MCUR1: variants seen among roughly 807,000 people sequenced by gnomAD.
MCUR1 encodes mitochondrial calcium uniporter regulator 1, also known as MCU regulator 1.
In MCUR1, 37 loss-of-function variants were observed where a neutral mutation model predicts 42.0. That is an observed-to-expected ratio of 0.88 (90% confidence interval 0.68 to 1.16). The LOEUF (loss-of-function observed/expected upper bound fraction) is 1.16. Ranked by LOEUF, MCUR1 falls within the 50% of genes most tolerant of loss-of-function variation. The probability of loss-of-function intolerance (pLI) is 0.00; values close to 1 mark genes in which losing one functional copy is unlikely to be tolerated. For synonymous variants in MCUR1, 229 were observed against 196.2 expected (o/e 1.17, Z -1.40); for missense variants, 469 against 468.4 (o/e 1.00, Z -0.01).
intron 2 of MCUR1, among the ~76,000 whole-genome samples, chr6:13,806,106 T>C (rs1437986416): frequency 1.3e-5 from 2 of 151,624 alleles, no homozygotes; most frequent in African/African-American, 4.9e-5. Flanking sequence ...ACACAAAAAT[T>C]AGCTGGGCGT....
chr6:13,787,064 T>C lies in MCUR1; in HGVS notation c.*3745A>G, dbSNP rs1458460656. ...ACCATCTCTATATTTGTTTAGAATT[T>C]TGCAAAATTCTTAGAAGATTGCATG... On this transcript the variant is annotated 3_prime_UTR_variant, in exon 9 of 9. Transcript: ENST00000379170. 6.6e-6 allele frequency: 1 copy of C among 152,210 alleles called. No homozygotes were observed. The highest frequency in any genetic ancestry group is 1.9e-4 in the East Asian group (1 of 5,198). 9.4% of individuals were successfully genotyped at this position (152,210 alleles called of 1,614,324 possible).
chr6:13,814,130 G>C lies in MCUR1; in HGVS notation c.300C>G (p.Ala100=). Residue 100 remains alanine (A), a synonymous_variant, in exon 1 of 9, where the codon GCC becomes GCG. Coordinates refer to ENST00000379170, the MANE Select transcript of MCUR1 (RefSeq NM_001031713.4). ...CGCTGCTGCGCCCGGCCGGGGGTGC[G>C]GCATACCCGAGGCGCGAGCGCTCCC... is the stretch of plus-strand genomic sequence containing the variant. ...GDWERSRLGY[A]APPAGRSSAW... 1 of 1,282,640 alleles carries C rather than the reference G, an allele frequency of 7.8e-7. No homozygotes were observed. The allele number at this position is 1,282,640 out of a possible 1,614,324, so 79.5% of individuals were successfully genotyped here.
intron 5 of MCUR1, 87 bp from the exon 6 acceptor site, chr6:13,798,991 C>T (rs1052003095): frequency 2.3e-5 from 18 of 795,216 alleles, no homozygotes; most frequent in Non-Finnish European, 3.5e-5. Context: ...ACCACTGCCC[C>T]CACTGTCCCT....
rs752215893 is a variant in MCUR1, at chr6:13,790,835, G to A, written c.1054C>T (p.Leu352=). The change falls in exon 9 of 9, where the codon CTG becomes TTG. Residue 352 remains leucine (L), a synonymous_variant. Coordinates refer to ENST00000379170, the MANE Select transcript of MCUR1 (RefSeq NM_001031713.4). ...TAGATCCACAGGCGATAAAATCCCA[G>A]AGCTACTGTTAGGCACGTAAATATA... ...GSIFTCLTVA[L]GFYRLWI 25 of 1,611,896 alleles carry A rather than the reference G, an allele frequency of 1.6e-5. No individual in the cohort carries two copies. The highest frequency in any genetic ancestry group is 3.3e-4 in the Middle Eastern group (2 of 6,074).
chr6:13,794,633 G>A (rs1330667603), intron 6 of MCUR1, among the ~76,000 whole-genome samples: 2 of 103,458 alleles, frequency 1.9e-5, no homozygotes, highest in East Asian at 6.1e-4. Flanking sequence ...CTCATCACAT[G>A]TTGGGTTTTT....
chr6:13,794,672 G>A (rs1033828509), intron 6 of MCUR1, among the ~76,000 whole-genome samples: 5 of 146,654 alleles, frequency 3.4e-5, no homozygotes, highest in Non-Finnish European at 7.4e-5. Context: ...TTTGTTTTGA[G>A]ATGGAGTCTC....
chr6:13,799,696 C>T (rs1310528309), intron 5 of MCUR1, among the ~76,000 whole-genome samples: 1 of 151,984 alleles, frequency 6.6e-6, no homozygotes, highest in Admixed American at 6.6e-5. Flanking sequence ...AAATAGCTGG[C>T]ACAGTAAGCA....
intron 6 of MCUR1, among the ~76,000 whole-genome samples, chr6:13,794,703 T>A (rs545688991): frequency 6.7e-6 from 1 of 150,070 alleles, no homozygotes; most frequent in Non-Finnish European, 1.5e-5. Flanking sequence ...CAGGCTGGAG[T>A]GCAGTGGCTT....
chr6:13,814,157 G>C lies in MCUR1; in HGVS notation c.273C>G (p.Asp91Glu). ...CATACCCGAGGCGCGAGCGCTCCCA[G>C]TCCCCGAGCTGCCGGCGCGGGGCTG... is the stretch of plus-strand genomic sequence containing the variant. The part of the protein sequence containing the change: ...AAAAPRRQLG[D>E]WERSRLGYAA... The change falls in exon 1 of 9, where the codon GAC becomes GAG. Residue 91 changes from aspartate (D) to glutamate (E), a missense_variant. Coordinates refer to ENST00000379170, the MANE Select transcript of MCUR1 (RefSeq NM_001031713.4). 1 of 1,330,140 alleles carries C rather than the reference G, an allele frequency of 7.5e-7. No homozygotes were observed. Among genetic ancestry groups the C allele is most frequent in the Non-Finnish European group, 9.5e-7 (1 of 1,047,612 alleles). 82.4% of individuals were successfully genotyped at this position (1,330,140 alleles called of 1,614,324 possible). A position where few individuals can be genotyped will look rare whatever the true frequency, so the allele number is the denominator to read the frequency against.
chr6:13,812,389 T>C (rs558479907), intron 1 of MCUR1, among the ~76,000 whole-genome samples: 2 of 152,320 alleles, frequency 1.3e-5, no homozygotes, highest in South Asian at 4.1e-4. Context: ...TTATGATGAC[T>C]GAAGAATGAG....
chr6:13,813,970 A>C, intron 1 of MCUR1, 45 bp downstream of exon 1: 20 of 1,225,930 alleles, frequency 1.6e-5, no homozygotes, highest in Non-Finnish European at 1.9e-5. Flanking sequence ...CCCGCCGTCC[A>C]ACCCCGCGAG....
chr6:13,789,202 A>AC lies in MCUR1; in HGVS notation c.*1606dup, dbSNP rs1219239976. The AC allele has an allele frequency of 6.6e-6, 1 of 152,284 alleles. No homozygotes were observed. Among genetic ancestry groups the AC allele is most frequent in the Non-Finnish European group, 1.5e-5 (1 of 68,104 alleles). The allele number at this position is 152,284 out of a possible 1,614,324, so 9.4% of individuals were successfully genotyped here. ...TGAATCACGAGGTCAGGAGTTAGAG[A>AC]CCAGCCTGGCCAACATGGTGAAACC... On this transcript the variant is annotated 3_prime_UTR_variant, in exon 9 of 9. Transcript: ENST00000379170.
chr6:13,787,512 A>G lies in MCUR1; in HGVS notation c.*3297T>C, dbSNP rs536719891. 1 of 152,230 alleles carries G rather than the reference A, an allele frequency of 6.6e-6. No homozygotes were observed. Among genetic ancestry groups the G allele is most frequent in the Non-Finnish European group, 1.5e-5 (1 of 68,040 alleles). The allele number at this position is 152,230 out of a possible 1,614,324, so 9.4% of individuals were successfully genotyped here. A position where few individuals can be genotyped will look rare whatever the true frequency, so the allele number is the denominator to read the frequency against. ...TTGCTTATTAATGTAGCAGGAGAGC[A>G]TGGAAATCGGAGTTCAGACTCTTTA... is the stretch of plus-strand genomic sequence containing the variant. On this transcript the variant is annotated 3_prime_UTR_variant, in exon 9 of 9. Transcript: ENST00000379170.
At chr6:13,813,303 A>T (rs1167495893) in intron 1 of MCUR1, among the ~76,000 whole-genome samples, 1 of 152,060 alleles carries the variant, frequency 6.6e-6, no homozygotes, top group Non-Finnish European at 1.5e-5. Flanking sequence ...ATCGATTCTG[A>T]TCACCCTATT....
At chr6:13,806,859 C>A in intron 2 of MCUR1, 66 bp downstream of exon 2, 1 of 1,468,932 alleles carries the variant, frequency 6.8e-7, no homozygotes. Context: ...TTAAATGAAA[C>A]CATAAGAGAA....
In MCUR1 at chr6:13,814,300, CAG is replaced by C. The variant is rs1375824283; in HGVS notation, c.128_129del (p.Ser43CysfsTer195). On this transcript the variant is annotated frameshift_variant, in exon 1 of 9. Transcript: ENST00000379170. LOFTEE classifies it high-confidence loss of function. ...AGCGCCCCCAGACCGTCGGAGAGCG[CAG>C]AGAGGCAGCGGCGTGCTGAGGTTTC... The part of the protein sequence containing the change: ...GSETSARRCL[S>X]ALSDGLGALR... 1.3e-6 allele frequency: 2 copies of C among 1,503,742 alleles called. No homozygotes were observed. The highest frequency in any genetic ancestry group is 1.4e-5 in the African/African-American group (1 of 69,162). The allele number at this position is 1,503,742 out of a possible 1,614,324, so 93.1% of individuals were successfully genotyped here. A position where few individuals can be genotyped will look rare whatever the true frequency, so the allele number is the denominator to read the frequency against.
intron 6 of MCUR1, among the ~76,000 whole-genome samples, chr6:13,794,672 G>C (rs1033828509): frequency 2.0e-5 from 3 of 146,654 alleles, no homozygotes; most frequent in African/African-American, 5.1e-5. Flanking sequence ...TTTGTTTTGA[G>C]ATGGAGTCTC....
Position 13,814,263 on chromosome 6 carries a change from G to A in MCUR1, c.167C>T (p.Ala56Val), listed in dbSNP as rs1277562851. ...SDGLGALRPRAPAARGGVSRA... is the reference protein window; with the variant it reads ...SDGLGALRPRVPAARGGVSRA... ...TGACACGCCGCCGCGGGCCGCCGGG[G>A]CGCGAGGGCGCAGCGCCCCCAGACC... Residue 56 changes from alanine to valine, a missense_variant, in exon 1 of 9, where the codon GCC (alanine) becomes GTC (valine). Physicochemically the swap from Ala to Val is moderately conservative, Grantham distance 64 (BLOSUM62 0). Transcript: ENST00000379170. 1.4e-6 allele frequency: 2 copies of A among 1,476,362 alleles called. No individual in the cohort carries two copies. The highest frequency in any genetic ancestry group is 2.4e-5 in the Admixed American group (1 of 41,910). 91.5% of individuals were successfully genotyped at this position (1,476,362 alleles called of 1,614,324 possible).
In MCUR1 at chr6:13,814,434, G is replaced by C. The variant is rs746181513; in HGVS notation, c.-5C>G. On this transcript the variant is annotated 5_prime_UTR_variant, in exon 1 of 9. Coordinates refer to ENST00000379170, the MANE Select transcript of MCUR1 (RefSeq NM_001031713.4). ...GCCGACCGAGCCGCAGTCCATCCCCGAGCAGTTCACTGGCCCGGGCGCGCG... is the reference window on the plus strand; with the variant it reads ...GCCGACCGAGCCGCAGTCCATCCCCCAGCAGTTCACTGGCCCGGGCGCGCG... 9.8e-6 allele frequency: 15 copies of C among 1,523,912 alleles called. No individual in the cohort carries two copies. The highest frequency in any genetic ancestry group is 1.3e-5 in the Non-Finnish European group (15 of 1,146,588). The allele number at this position is 1,523,912 out of a possible 1,614,324, so 94.4% of individuals were successfully genotyped here.
Sources: gnomAD v4.1 joint callset for allele counts (sites outside exome capture counted in the v4.1 genomes callset) on GRCh38, gnomAD v4.1.1 for gene constraint, MANE v1.5 for transcripts, NCBI Gene and HGNC (gene_info 2026-07-23, HGNC 2026-07-21) for gene names.